DAPP1: variants seen among roughly 807,000 people sequenced by gnomAD.
DAPP1 encodes the protein dual adaptor of phosphotyrosine and 3-phosphoinositides 1.
In DAPP1, 20 loss-of-function variants were observed where a neutral mutation model predicts 41.5. That is an observed-to-expected ratio of 0.48 (90% CI 0.34 to 0.70). The LOEUF is 0.70. Among genes scored for constraint, DAPP1 ranks in the 30% least tolerant of loss-of-function variants. The probability of loss-of-function intolerance (pLI) is 0.01; values close to 1 mark genes in which losing one functional copy is unlikely to be tolerated. For synonymous variants in DAPP1, 113 were observed against 116.2 expected (o/e 0.97, Z 0.18); for missense variants, 233 against 333.4 (o/e 0.70, Z 2.35).
At chr4:99,842,888 G>C (rs1197235654) in intron 3 of DAPP1, among the ~76,000 whole-genome samples, 5 of 139,164 alleles carry the variant, frequency 3.6e-5, no homozygotes, top group South Asian at 2.2e-4. Flanking sequence ...GTCTCGCTCT[G>C]TCGCCCAGGC....
intron 1 of DAPP1, among the ~76,000 whole-genome samples, chr4:99,834,637 A>T (rs1271376331): frequency 2.6e-5 from 4 of 152,168 alleles, no homozygotes; most frequent in African/African-American, 9.7e-5. Context: ...TGAGAGACCA[A>T]AAAAAGAAGG....
intron 3 of DAPP1, among the ~76,000 whole-genome samples, chr4:99,850,440 T>C (rs187746674): frequency 2.6e-5 from 4 of 152,104 alleles, no homozygotes; most frequent in African/African-American, 9.7e-5. Flanking sequence ...GGTATTATTA[T>C]GTGAAGTGTG....
rs1158544197 is a variant in DAPP1, at chr4:99,869,618, A to G, written c.*1433A>G. On this transcript the variant is annotated 3_prime_UTR_variant, in exon 9 of 9. Coordinates refer to ENST00000512369, the MANE Select transcript of DAPP1 (RefSeq NM_014395.3). Reference sequence around the variant, plus strand: ...TAAAGCAAATGTCAAGTTAAAATGTATTGTGTTGTTTGTAAAGTAAGAAGT... The same window carrying G: ...TAAAGCAAATGTCAAGTTAAAATGTGTTGTGTTGTTTGTAAAGTAAGAAGT... 1 of 152,202 alleles carries G rather than the reference A, an allele frequency of 6.6e-6. No homozygotes were observed. The highest frequency in any genetic ancestry group is 1.5e-5 in the Non-Finnish European group (1 of 68,030). 9.4% of individuals were successfully genotyped at this position (152,202 alleles called of 1,614,324 possible).
intron 1 of DAPP1, among the ~76,000 whole-genome samples, chr4:99,833,375 GC>G (rs1425544982): frequency 6.6e-6 from 1 of 152,182 alleles, no homozygotes; most frequent in African/African-American, 2.4e-5. Flanking sequence ...AAGCATCTCT[GC>G]CCCAAAGATA....
chr4:99,817,048 T>A (rs767791653), intron 1 of DAPP1, 34 bp downstream of exon 1: 30 of 1,518,530 alleles, frequency 2.0e-5, no homozygotes, highest in Non-Finnish European at 2.3e-5. Flanking sequence ...AAGTACCTAG[T>A]GGGTGGACAT....
intron 4 of DAPP1, among the ~76,000 whole-genome samples, chr4:99,857,966 A>G (rs1035763910): frequency 6.6e-6 from 1 of 152,244 alleles, no homozygotes; most frequent in African/African-American, 2.4e-5. Flanking sequence ...AGAATAGTAC[A>G]CAGAACTTGG....
chr4:99,865,646 A>G (rs1016091548), intron 7 of DAPP1: 2 of 151,982 alleles, frequency 1.3e-5, no homozygotes. Flanking sequence ...GAATGAATAC[A>G]TAAGTGTTAG....
intron 3 of DAPP1, among the ~76,000 whole-genome samples, chr4:99,845,245 T>A (rs1468515719): frequency 1.3e-5 from 2 of 152,158 alleles, no homozygotes; most frequent in Non-Finnish European, 2.9e-5. Context: ...TCTGGGCTAA[T>A]CTGGTTCTAA....
At position 99,818,427 on chromosome 4, in the gene DAPP1, C is replaced by A. The variant is rs373982148; in HGVS notation, c.101+1413C>A. ...TCCCAGCCCACTGTAATAGAAAACC[C>A]CAAAGGAGGAGATAGAGGAATATAT... On this transcript the variant is annotated intron_variant, in intron 1 of 8. Transcript: ENST00000512369. 2.6e-5 allele frequency among the ~76,000 whole-genome samples: 4 copies of A among 152,194 alleles called. No individual in the cohort carries two copies. The East Asian group carries it at 7.7e-4, about 29-fold the overall frequency.
At chr4:99,828,541 A>C (rs548919731) in intron 1 of DAPP1, among the ~76,000 whole-genome samples, 19 of 152,338 alleles carry the variant, frequency 1.2e-4, no homozygotes, top group African/African-American at 3.8e-4. Flanking sequence ...CCAGTGGGAT[A>C]AGAAACTATG....
At chr4:99,866,574 A>G (rs1376772901) in intron 8 of DAPP1, 2 of 766,230 alleles carry the variant, frequency 2.6e-6, no homozygotes. Flanking sequence ...ACAAAAGCTG[A>G]TTTATTTTGT....
intron 4 of DAPP1, among the ~76,000 whole-genome samples, chr4:99,859,809 G>A (rs1724175094): frequency 6.6e-6 from 1 of 152,134 alleles, no homozygotes; most frequent in Admixed American, 6.5e-5. Flanking sequence ...CACCCCTTCA[G>A]GCAGAAGCCC....
At chr4:99,842,129 T>C (rs1481872926) in intron 3 of DAPP1, among the ~76,000 whole-genome samples, 5 of 152,210 alleles carry the variant, frequency 3.3e-5, no homozygotes, top group African/African-American at 1.2e-4. Flanking sequence ...TGCGCCAAAA[T>C]AAAGATGTTT....
intron 3 of DAPP1, among the ~76,000 whole-genome samples, chr4:99,852,592 C>T (rs1723902134): frequency 6.6e-6 from 1 of 152,242 alleles, no homozygotes; most frequent in Non-Finnish European, 1.5e-5. Flanking sequence ...CCAGCTTGTT[C>T]AGGTCATGTT....
intron 1 of DAPP1, among the ~76,000 whole-genome samples, chr4:99,818,185 G>A (rs1421077666): frequency 6.6e-6 from 1 of 152,000 alleles, no homozygotes; most frequent in Non-Finnish European, 1.5e-5. Flanking sequence ...TAAAACACCT[G>A]GAATTTTCAT....
intron 4 of DAPP1, among the ~76,000 whole-genome samples, chr4:99,856,872 G>A (rs995916732): frequency 2.0e-5 from 3 of 152,236 alleles, no homozygotes; most frequent in Non-Finnish European, 4.4e-5. Context: ...TCCACAATGG[G>A]TTGCCCTACA....
At chr4:99,832,097 G>C (rs534100520) in intron 1 of DAPP1, among the ~76,000 whole-genome samples, 13 of 152,072 alleles carry the variant, frequency 8.5e-5, no homozygotes, top group African/African-American at 2.4e-4. Flanking sequence ...GATATAGTTT[G>C]CAATATGCTT....
In DAPP1 at chr4:99,827,528, G is replaced by A. The variant is rs564944126; in HGVS notation, c.102-8095G>A. Among the ~76,000 whole-genome samples, 96 of 129,580 alleles carry A rather than the reference G, an allele frequency of 7.4e-4. 2 individuals are homozygous for A. The South Asian group carries it at 0.022, about 30-fold the overall frequency. The allele number at this position is 129,580 out of a possible 152,430, so 85.0% of individuals were successfully genotyped here. A position where few individuals can be genotyped will look rare whatever the true frequency, so the allele number is the denominator to read the frequency against. The stretch of plus-strand genomic sequence containing the variant: ...AGCCTGGGCAACAGAGTCAGACTAC[G>A]TCTCAAAAAAAAAACAACAAAAAAA... On this transcript the variant is annotated intron_variant, in intron 1 of 8. Coordinates refer to ENST00000512369, the MANE Select transcript of DAPP1 (RefSeq NM_014395.3).
At chr4:99,850,783 G>A (rs2110156131) in intron 3 of DAPP1, among the ~76,000 whole-genome samples, 1 of 152,200 alleles carries the variant, frequency 6.6e-6, no homozygotes, top group South Asian at 2.1e-4. Flanking sequence ...CCCCAAAGAT[G>A]CAATCATTCA....
Sources: allele counts gnomAD v4.1 joint callset (sites outside exome capture counted in the v4.1 genomes callset), GRCh38; gene constraint gnomAD v4.1.1; transcripts MANE v1.5; gene names NCBI Gene and HGNC (gene_info 2026-07-23, HGNC 2026-07-21).